Variants in TRAPPC9 observed in about 807,000 individuals in gnomAD.
TRAPPC9 encodes the protein IKK2 binding protein.
In TRAPPC9, 83 loss-of-function variants were observed where a neutral mutation model predicts 124.0. That is an observed-to-expected ratio of 0.67 (90% confidence interval 0.56 to 0.80). The LOEUF (loss-of-function observed/expected upper bound fraction) is 0.80, where lower values mean the gene tolerates loss of function less well. TRAPPC9 is among the 30% of genes least tolerant of loss of function. TRAPPC9 has a pLI of 0.00. For missense variants in TRAPPC9, 1,302 were observed against 1,508.3 expected (o/e 0.86, Z 2.27); for synonymous variants, 638 against 617.5 (o/e 1.03, Z -0.49).
chr8:139,739,430 A>G (rs1586736620), intron 21 of TRAPPC9, among the ~76,000 whole-genome samples: 1 of 151,282 alleles, frequency 6.6e-6, no homozygotes, highest in Non-Finnish European at 1.5e-5. Flanking sequence ...GAATAAAAGA[A>G]AGTCTTGATG....
In TRAPPC9 at chr8:139,815,893, T is replaced by C. The variant is rs540416769; in HGVS notation, c.3055+69986A>G. 8.5e-5 allele frequency among the ~76,000 whole-genome samples: 13 copies of C among 152,342 alleles called. No individual in the cohort carries two copies. In the South Asian group the frequency reaches 2.5e-3, roughly 29 times the overall value. On this transcript the variant is annotated intron_variant, in intron 21 of 22. Coordinates refer to ENST00000438773, the MANE Select transcript of TRAPPC9 (RefSeq NM_001160372.4). ...CATCACCTGACTCTTAGGAGCTCAC[T>C]GACTCTTCACAGTCACCTTGAGACC...
At chr8:139,765,330 A>C (rs945157187) in intron 21 of TRAPPC9, among the ~76,000 whole-genome samples, 3 of 152,228 alleles carry the variant, frequency 2.0e-5, no homozygotes, top group African/African-American at 7.2e-5. Flanking sequence ...AAGCTCCCCC[A>C]GCTACAGGGT....
At chr8:139,956,217 A>G (rs1415640036) in intron 19 of TRAPPC9, among the ~76,000 whole-genome samples, 1 of 150,996 alleles carries the variant, frequency 6.6e-6, no homozygotes, top group African/African-American at 2.4e-5. Flanking sequence ...GCTGGAGTGC[A>G]GTGGTGTGAT....
chr8:140,144,627 T>C (rs1216296070), intron 17 of TRAPPC9, among the ~76,000 whole-genome samples: 1 of 151,984 alleles, frequency 6.6e-6, no homozygotes, highest in East Asian at 1.9e-4. Flanking sequence ...TAGCTGGGAT[T>C]ACAGGCACCT....
chr8:139,805,363 C>T (rs12679051), intron 21 of TRAPPC9, among the ~76,000 whole-genome samples: 3,568 of 152,312 alleles, frequency 0.023, 144 homozygotes, highest in East Asian at 0.12. Context: ...GTGCAGGGCC[C>T]TCACCAGGGT....
At position 140,182,189 on chromosome 8, in the gene TRAPPC9, G is replaced by A. The variant is rs779292115; in HGVS notation, c.2556+39270C>T. ...AATTTCCTCTTTGCTTCAGGTACCC[G>A]GAAATCTTGCTTTCCAGTGCATACA... On this transcript the variant is annotated intron_variant, in intron 17 of 22. Coordinates refer to ENST00000438773, the MANE Select transcript of TRAPPC9 (RefSeq NM_001160372.4). The surrounding 1 kb of genome is among the most constrained non-coding windows in gnomAD (Gnocchi z 4.0). Among the ~76,000 whole-genome samples the A allele has an allele frequency of 3.9e-5, 6 of 152,026 alleles. No homozygotes were observed. Among genetic ancestry groups the A allele is most frequent in the African/African-American group, 1.2e-4 (5 of 41,372 alleles).
At chr8:140,017,627 C>T (rs930440809) in intron 18 of TRAPPC9, among the ~76,000 whole-genome samples, 1 of 152,138 alleles carries the variant, frequency 6.6e-6, no homozygotes, top group Non-Finnish European at 1.5e-5. Context: ...ATTATTATAG[C>T]TTTACATTGT....
rs528057443 is a variant in TRAPPC9 at position 139,759,295 on chromosome 8, C to G, written c.3056-27093G>C. Among the ~76,000 whole-genome samples the G allele has an allele frequency of 1.1e-4, 17 of 152,280 alleles. 1 individual carries two copies. The South Asian group carries it at 3.3e-3, about 30-fold the overall frequency. On this transcript the variant is annotated intron_variant, in intron 21 of 22. Transcript: ENST00000438773. ...GGAAGGGGCGGGGAGGAATACCTGC[C>G]GCTCACTGAGTGTTTATCATCTTCC...
intron 17 of TRAPPC9, among the ~76,000 whole-genome samples, chr8:140,184,019 T>G (rs60065530): frequency 7.3e-6 from 1 of 136,190 alleles, no homozygotes; most frequent in Non-Finnish European, 1.6e-5. Context: ...AGAAGATCCA[T>G]TGGTCTGAGC....
chr8:140,154,502 C>T lies in TRAPPC9; in HGVS notation c.2556+66957G>A, dbSNP rs566007253. 7.2e-5 allele frequency among the ~76,000 whole-genome samples: 11 copies of T among 152,298 alleles called. No homozygotes were observed. In the South Asian group the frequency reaches 1.9e-3, roughly 26 times the overall value. On this transcript the variant is annotated intron_variant, in intron 17 of 22. Transcript: ENST00000438773. ...CTCTGATGATCAATAATACCCAACC[C>T]CACTGTGGCCTCTAAAACTGTGTGT...
At chr8:139,817,371 T>C (rs1204582626) in intron 21 of TRAPPC9, among the ~76,000 whole-genome samples, 1 of 152,212 alleles carries the variant, frequency 6.6e-6, no homozygotes, top group Non-Finnish European at 1.5e-5. Flanking sequence ...CTTATGGCAG[T>C]TACATCTCAG....
chr8:139,971,349 C>T (rs2614727), intron 19 of TRAPPC9, among the ~76,000 whole-genome samples: 134,298 of 152,166 alleles, frequency 0.88, 59,433 homozygotes, highest in East Asian at 0.98. Context: ...TGTGCTCCCC[C>T]GCCCCCAACC....
intron 17 of TRAPPC9, among the ~76,000 whole-genome samples, chr8:140,138,752 A>T (rs1443034894): frequency 6.6e-6 from 1 of 152,208 alleles, no homozygotes; most frequent in Non-Finnish European, 1.5e-5. Context: ...GGCCTTCAGA[A>T]GAGGGAAACA....
rs1011653158 is a variant in TRAPPC9 at position 139,975,380 on chromosome 8, G to A, written c.2810+13346C>T. On this transcript the variant is annotated intron_variant, in intron 19 of 22. Coordinates refer to ENST00000438773, the MANE Select transcript of TRAPPC9 (RefSeq NM_001160372.4). ...GGCCCTGCCCCACAGTAAGCCTGGCGTGGGTCTAAGAATTTGCATTTCTAG... is the reference window on the plus strand; with the variant it reads ...GGCCCTGCCCCACAGTAAGCCTGGCATGGGTCTAAGAATTTGCATTTCTAG... 3.9e-5 allele frequency among the ~76,000 whole-genome samples: 6 copies of A among 152,174 alleles called. No individual in the cohort carries two copies. The South Asian group carries it at 1.2e-3, about 32-fold the overall frequency.
At chr8:139,754,752 C>T (rs572773375) in intron 21 of TRAPPC9, among the ~76,000 whole-genome samples, 3 of 152,338 alleles carry the variant, frequency 2.0e-5, no homozygotes, top group Admixed American at 6.5e-5. Flanking sequence ...GCCCCCACCC[C>T]GTGTCACAAG....
chr8:140,106,337 C>T (rs370311504), intron 17 of TRAPPC9, among the ~76,000 whole-genome samples: 1 of 151,688 alleles, frequency 6.6e-6, no homozygotes, highest in African/African-American at 2.4e-5. Context: ...TAACTGATTT[C>T]GACTGAAGAT....
At chr8:140,400,236 G>A (rs997476484) in intron 6 of TRAPPC9, among the ~76,000 whole-genome samples, 8 of 152,214 alleles carry the variant, frequency 5.3e-5, no homozygotes, top group African/African-American at 1.7e-4. Context: ...CAGAGAATTT[G>A]TTTGTGAGAA....
At chr8:140,001,265 G>A (rs956320517) in intron 18 of TRAPPC9, among the ~76,000 whole-genome samples, 1 of 152,104 alleles carries the variant, frequency 6.6e-6, no homozygotes, top group South Asian at 2.1e-4. Flanking sequence ...TGCGGGGATA[G>A]CATTAGGAGA....
At chr8:140,094,082 C>G (rs1844760238) in intron 17 of TRAPPC9, among the ~76,000 whole-genome samples, 1 of 152,178 alleles carries the variant, frequency 6.6e-6, no homozygotes, top group Admixed American at 6.5e-5. Flanking sequence ...CTCTGACTAC[C>G]AGGCACATTC....
Sources: gnomAD v4.1 joint callset for allele counts (sites outside exome capture counted in the v4.1 genomes callset) on GRCh38, gnomAD v4.1.1 for gene constraint, Gnocchi (gnomAD v3.1) non-coding constraint, MANE v1.5 for transcripts, NCBI Gene and HGNC (gene_info 2026-07-23, HGNC 2026-07-21) for gene names.